PRKD2: variants seen among roughly 807,000 people sequenced by gnomAD.
The protein encoded by PRKD2 is serine/threonine-protein kinase D2.
In PRKD2, 22 loss-of-function variants were observed where a neutral mutation model predicts 86.0. The observed-to-expected ratio is 0.26, with a 90% confidence interval of 0.18 to 0.37. PRKD2 has a LOEUF of 0.37. Ranked by LOEUF, PRKD2 falls within the 10% of genes least tolerant of loss-of-function variation. The pLI is 1.00. For synonymous variants in PRKD2, 509 were observed against 510.9 expected (o/e 1.00, Z 0.05); for missense variants, 818 against 1,199.2 (o/e 0.68, Z 4.70).
intron 3 of PRKD2, chr19:46,709,177 T>C (rs2053765470): frequency 6.4e-6 from 1 of 155,416 alleles, no homozygotes; most frequent in South Asian, 2.0e-4. Flanking sequence ...GGTTTCACCA[T>C]GTTGGCCAGG....
At position 46,704,528 on chromosome 19, in the gene PRKD2, G is replaced by A. The variant is rs1206596085; in HGVS notation, c.633C>T (p.Thr211=). The A allele has an allele frequency of 1.2e-6, 2 of 1,614,146 alleles. No individual in the cohort carries two copies. Among genetic ancestry groups the A allele is most frequent in the East Asian group, 2.2e-5 (1 of 44,870 alleles). ...LASGHSVRLG[T]SESLPCTAEE... ...CAGCCGTGCAGGGCAGGGACTCGGA[G>A]GTGCCGAGGCGCACCGAGTGGCCAC... Residue 211 remains threonine, a synonymous_variant, in exon 4 of 18, where the codon ACC becomes ACT. Transcript: ENST00000291281.
chr19:46,689,757 G>T, intron 13 of PRKD2, 59 bp from the exon 14 acceptor site: 1 of 1,590,340 alleles, frequency 6.3e-7, no homozygotes, highest in East Asian at 2.2e-5. Flanking sequence ...ACCCCAACGG[G>T]TCAGGTATAG....
At position 46,714,478 on chromosome 19, in the gene PRKD2, G is replaced by GGGA. The variant is rs1043941612; in HGVS notation, c.241-478_241-477insTCC. The stretch of plus-strand genomic sequence containing the variant: ...GACTTTTCGGGGCTCCTGGGAAAGT[G>GGGA]GGGGGGGGGGCCGGGGGACTTGGAC... On this transcript the variant is annotated intron_variant, in intron 1 of 17. Coordinates refer to ENST00000291281, the MANE Select transcript of PRKD2 (RefSeq NM_016457.5). 8 of 40,808 alleles carry GGGA rather than the reference G, an allele frequency of 2.0e-4. 1 individual carries two copies. The highest frequency in any genetic ancestry group is 1.8e-3 in the African/African-American group (8 of 4,370). 2.5% of individuals were successfully genotyped at this position (40,808 alleles called of 1,614,324 possible). A position where few individuals can be genotyped will look rare whatever the true frequency, so the allele number is the denominator to read the frequency against.
intron 5 of PRKD2, among the ~76,000 whole-genome samples, chr19:46,702,056 T>A (rs943043773): frequency 3.3e-5 from 5 of 149,388 alleles, no homozygotes; most frequent in African/African-American, 9.9e-5. Context: ...TTTTTTTTTT[T>A]AAGAAACAGT....
intron 15 of PRKD2, among the ~76,000 whole-genome samples, chr19:46,681,041 C>T (rs1172173956): frequency 1.4e-5 from 2 of 147,598 alleles, no homozygotes; most frequent in African/African-American, 5.0e-5. Context: ...GCAAGCTCCG[C>T]CTCCCGGGTT....
intron 14 of PRKD2, among the ~76,000 whole-genome samples, chr19:46,682,871 AT>A (rs2053329657): frequency 6.6e-6 from 1 of 150,448 alleles, no homozygotes; most frequent in African/African-American, 2.4e-5. Flanking sequence ...CACCTGACTA[AT>A]TTTTGTATTT....
At chr19:46,702,536 T>C (rs1439930222) in intron 5 of PRKD2, among the ~76,000 whole-genome samples, 1 of 152,188 alleles carries the variant, frequency 6.6e-6, no homozygotes, top group Non-Finnish European at 1.5e-5. Context: ...TCCAAGGTTC[T>C]AGGATTCTAT....
chr19:46,689,666 C>A lies in PRKD2; in HGVS notation c.1842G>T (p.Glu614Asp), dbSNP rs2053454878. Residue 614 changes from glutamate (E) to aspartate (D), a missense_variant, in exon 14 of 18, where the codon GAG becomes GAT. Around this residue, in one of 5 missense-constraint regions of PRKD2, gnomAD observed 154 missense variants for 359.6 expected, o/e 0.43. Coordinates refer to ENST00000291281, the MANE Select transcript of PRKD2 (RefSeq NM_016457.5). ...SLRHPGIVNL[E>D]CMFETPEKVF... ...CTTTCTCAGGCGTCTCGAACATGCA[C>A]TCCAGGTTCACGATCCCGGGATGCC... The A allele has an allele frequency of 1.2e-6, 2 of 1,614,076 alleles. No individual in the cohort carries two copies. The highest frequency in any genetic ancestry group is 1.1e-5 in the South Asian group (1 of 91,092).
intron 10 of PRKD2, 66 bp from the exon 11 acceptor site, chr19:46,692,051 C>A: frequency 6.6e-7 from 1 of 1,520,512 alleles, no homozygotes; most frequent in African/African-American, 1.4e-5. Flanking sequence ...CCCATACCTG[C>A]AAAAGCAGAC....
intron 16 of PRKD2, chr19:46,677,082 G>T (rs1009053557): frequency 6.9e-6 from 1 of 145,632 alleles, no homozygotes; most frequent in African/African-American, 2.5e-5. Context: ...AAAAGCCAGT[G>T]TTGAGCACCC....
chr19:46,689,911 C>T (rs997658551), intron 13 of PRKD2, among the ~76,000 whole-genome samples: 1 of 152,024 alleles, frequency 6.6e-6, no homozygotes, highest in Non-Finnish European at 1.5e-5. Flanking sequence ...TTTTTTCTTT[C>T]TATTTAAATA....
chr19:46,680,946 A>ATATATATATATATATATTTTTTT, intron 15 of PRKD2, among the ~76,000 whole-genome samples: 14 of 48,224 alleles, frequency 2.9e-4, no homozygotes, highest in Non-Finnish European at 4.0e-4. Flanking sequence ...ATATATATAT[A>ATATATATATATATATATTTTTTT]TTTTTTTTTT....
At chr19:46,706,709 C>A (rs1304909986) in intron 3 of PRKD2, among the ~76,000 whole-genome samples, 1 of 152,102 alleles carries the variant, frequency 6.6e-6, no homozygotes, top group African/African-American at 2.4e-5. Context: ...AGGGCTGTAT[C>A]ATGACAAAGA....
chr19:46,713,974 A>C lies in PRKD2; in HGVS notation c.268T>G (p.Tyr90Asp). ...TGTTTGAAAAGCAGGATCTTGTCGT[A>C]AAGGCCGTAGAAGCCACACTCAGGG... is the stretch of plus-strand genomic sequence containing the variant. ...KFPECGFYGL[Y>D]DKILLFKHDP... The change falls in exon 2 of 18, where the codon TAC becomes GAC. Residue 90 changes from tyrosine (Y) to aspartate (D), a missense_variant. By Grantham distance (160) the Tyr-to-Asp change is radical (BLOSUM62 -3). Coordinates refer to ENST00000291281, the MANE Select transcript of PRKD2 (RefSeq NM_016457.5). 1 of 1,613,646 alleles carries C rather than the reference A, an allele frequency of 6.2e-7. No homozygotes were observed. The highest frequency in any genetic ancestry group is 1.1e-5 in the South Asian group (1 of 91,084).
chr19:46,675,141 T>C (rs2053178577), intron 16 of PRKD2, 23 bp from the exon 17 acceptor site: 19 of 1,594,858 alleles, frequency 1.2e-5, no homozygotes, highest in Non-Finnish European at 1.5e-5. Context: ...GAGAAACAGG[T>C]CAAGCCCTAC....
At chr19:46,694,322 C>T (rs770878289) in intron 9 of PRKD2, among the ~76,000 whole-genome samples, 189 bp from the exon 10 acceptor site, 9 of 152,276 alleles carry the variant, frequency 5.9e-5, no homozygotes, top group South Asian at 2.1e-4. Context: ...AGGCCAGGTG[C>T]GGTGGCTCAT....
chr19:46,697,646 C>A (rs2053579981), intron 8 of PRKD2, 87 bp downstream of exon 8: 6 of 1,279,396 alleles, frequency 4.7e-6, no homozygotes, highest in East Asian at 2.3e-5. Flanking sequence ...AGCTCCAGCC[C>A]CACCCACCTA....
chr19:46,689,845 G>T, intron 13 of PRKD2, 147 bp from the exon 14 acceptor site: 1 of 884,252 alleles, frequency 1.1e-6, no homozygotes, highest in Non-Finnish European at 1.7e-6. Flanking sequence ...CTTCCCACAG[G>T]CCAAGACAGA....
intron 16 of PRKD2, among the ~76,000 whole-genome samples, chr19:46,677,894 A>ACC (rs1359107109): frequency 1.3e-5 from 2 of 151,512 alleles, no homozygotes; most frequent in Admixed American, 1.3e-4. Flanking sequence ...GCCCATCTTC[A>ACC]CCCAAGTCAC....
Sources: gnomAD v4.1 joint callset for allele counts (sites outside exome capture counted in the v4.1 genomes callset) on GRCh38, gnomAD v4.1.1 for gene constraint, gnomAD v4.1.1 regional missense constraint, MANE v1.5 for transcripts, NCBI Gene and HGNC (gene_info 2026-07-23, HGNC 2026-07-21) for gene names.